SINHCAF: variants seen among roughly 807,000 people sequenced by gnomAD.
The protein encoded by SINHCAF is SIN3-HDAC complex-associated factor.
A neutral mutation model predicts 25.8 loss-of-function variants in SINHCAF; 3 were observed. The ratio of observed to expected loss-of-function variants is 0.12; its 90% CI spans 0.05 to 0.30. The LOEUF is 0.30. SINHCAF is among the 10% of genes least tolerant of loss of function. The probability of loss-of-function intolerance (pLI) is 1.00; values close to 1 mark genes in which losing one functional copy is unlikely to be tolerated. For missense variants in SINHCAF, 121 were observed against 262.3 expected, an observed-to-expected ratio of 0.46 and a Z score of 3.72; for synonymous variants, 70 against 85.5, an observed-to-expected ratio of 0.82 and a Z score of 1.00.
At chr12:31,310,863 C>T (rs1223472577) in intron 1 of SINHCAF, among the ~76,000 whole-genome samples, 1 of 150,612 alleles carries the variant, frequency 6.6e-6, no homozygotes, top group Non-Finnish European at 1.5e-5. Context: ...TTAATCTAAT[C>T]TACGATCTTT....
intron 5 of SINHCAF, among the ~76,000 whole-genome samples, chr12:31,285,715 C>T (rs1490855376): frequency 6.6e-6 from 1 of 152,076 alleles, no homozygotes; most frequent in Non-Finnish European, 1.5e-5. Flanking sequence ...GTAACTCACA[C>T]CTGTAATCCC....
rs922874678 is a variant in SINHCAF, at chr12:31,282,472, A to G, written c.*240T>C. 7.3e-5 allele frequency: 24 copies of G among 328,964 alleles called. No individual in the cohort carries two copies. Among genetic ancestry groups the G allele is most frequent in the Middle Eastern group, 8.2e-4 (1 of 1,216 alleles). 20.4% of individuals were successfully genotyped at this position (328,964 alleles called of 1,614,324 possible). ...ACCCCGTCTCTACTAAAACTAAAAA[A>G]TTAGCCGGGTCTGGTGGCGGGCACC... On this transcript the variant is annotated 3_prime_UTR_variant, in exon 6 of 6. Coordinates refer to ENST00000337682, the MANE Select transcript of SINHCAF (RefSeq NM_001135812.2).
intron 1 of SINHCAF, chr12:31,302,890 T>G (rs927670272): frequency 1.0e-6 from 1 of 974,122 alleles, no homozygotes; most frequent in African/African-American, 1.8e-5. Flanking sequence ...CAAACTCCAG[T>G]TACAAATGCA....
chr12:31,301,012 C>T (rs1938769288), intron 1 of SINHCAF, among the ~76,000 whole-genome samples: 1 of 152,132 alleles, frequency 6.6e-6, no homozygotes, highest in African/African-American at 2.4e-5. Flanking sequence ...CTTTCCCTTC[C>T]CCCAAATAAA....
intron 2 of SINHCAF, among the ~76,000 whole-genome samples, chr12:31,296,756 G>C (rs941032324): frequency 6.6e-6 from 1 of 152,084 alleles, no homozygotes; most frequent in Non-Finnish European, 1.5e-5. Flanking sequence ...TCAGGAGAGA[G>C]AGGTGGGAGG....
chr12:31,295,105 C>G (rs1023646134), intron 3 of SINHCAF, 129 bp downstream of exon 3: 2 of 623,216 alleles, frequency 3.2e-6, no homozygotes, highest in African/African-American at 3.7e-5. Context: ...TGAACAGCAG[C>G]TAGTGTTTTT....
At chr12:31,296,897 A>G in intron 2 of SINHCAF, 1 of 348,490 alleles carries the variant, frequency 2.9e-6, no homozygotes, top group South Asian at 2.2e-5. Flanking sequence ...TTGCTGAGTA[A>G]GGTGGTGCAC....
At chr12:31,313,804 T>C (rs1939379902) in intron 1 of SINHCAF, among the ~76,000 whole-genome samples, 1 of 151,670 alleles carries the variant, frequency 6.6e-6, no homozygotes, top group South Asian at 2.1e-4. Flanking sequence ...GCCCACCACC[T>C]CGCCCGGCTA....
chr12:31,287,771 G>A lies in SINHCAF; in HGVS notation c.369C>T (p.His123=), dbSNP rs777191732. The part of the protein sequence containing the change: ...KEFKRHNSDA[H]STTSSASPAQ... ...CTGGGGAGGCACTTGAGGTGGTACT[G>A]TGAGCATCAGAATCTGCAATAAAGA... Residue 123 remains histidine (H), a synonymous_variant, in exon 5 of 6, where the codon CAC becomes CAT. Transcript: ENST00000337682. 1.3e-6 allele frequency: 2 copies of A among 1,589,346 alleles called. No homozygotes were observed. The highest frequency in any genetic ancestry group is 2.2e-5 in the East Asian group (1 of 44,694).
Position 31,309,109 on chromosome 12 carries a change from C to T in SINHCAF, c.-20-10885G>A, listed in dbSNP as rs1167805146. On this transcript the variant is annotated intron_variant, in intron 1 of 5. Transcript: ENST00000337682. ...TGCCACTGTACTCCAGCCTAGGTGA[C>T]AGAGTGAGATTCTGTCTCAAAAAAA... Among the ~76,000 whole-genome samples, 5 of 117,094 alleles carry T rather than the reference C, an allele frequency of 4.3e-5. No homozygotes were observed. In the Admixed American group the frequency reaches 6.1e-4, roughly 14 times the overall value. The allele number at this position is 117,094 out of a possible 152,430, so 76.8% of individuals were successfully genotyped here.
At chr12:31,300,946 T>C (rs1321301317) in intron 1 of SINHCAF, among the ~76,000 whole-genome samples, 2 of 152,182 alleles carry the variant, frequency 1.3e-5, no homozygotes, top group African/African-American at 4.8e-5. Context: ...ATTCCATTAA[T>C]ACACAGACCA....
intron 4 of SINHCAF, among the ~76,000 whole-genome samples, chr12:31,290,304 A>G (rs1938254414): frequency 6.6e-6 from 1 of 151,920 alleles, no homozygotes; most frequent in Non-Finnish European, 1.5e-5. Flanking sequence ...ACCACACCCA[A>G]CTAATTTTTT....
At chr12:31,317,632 GAGCA>G (rs1939543808) in intron 1 of SINHCAF, among the ~76,000 whole-genome samples, 1 of 150,504 alleles carries the variant, frequency 6.6e-6, no homozygotes, top group East Asian at 1.9e-4. Context: ...TTTTAACCAA[GAGCA>G]TCACTCTCCA....
At chr12:31,298,485 A>T (rs1938640108) in intron 1 of SINHCAF, 1 of 380,504 alleles carries the variant, frequency 2.6e-6, no homozygotes, top group Non-Finnish European at 4.9e-6. Context: ...CAATCTAAAA[A>T]TGGGGAAGAG....
At chr12:31,307,994 G>A (rs114977491) in intron 1 of SINHCAF, among the ~76,000 whole-genome samples, 3,094 of 152,154 alleles carry the variant, frequency 0.02, 106 homozygotes, top group African/African-American at 0.071. Context: ...CTGTCACTTA[G>A]GCTGGAATGC....
chr12:31,312,373 TGA>T (rs1191023878), intron 1 of SINHCAF, among the ~76,000 whole-genome samples: 3 of 152,026 alleles, frequency 2.0e-5, no homozygotes, highest in African/African-American at 4.8e-5. Context: ...TGTGTGTGTG[TGA>T]GTGTGTGTAT....
chr12:31,304,055 G>A (rs534203903), intron 1 of SINHCAF: 1 of 150,798 alleles, frequency 6.6e-6, no homozygotes, highest in African/African-American at 2.4e-5. Flanking sequence ...GGGAGGTCAA[G>A]GCTGTAGTGA....
At chr12:31,293,735 G>A (rs1938432865) in intron 4 of SINHCAF, 70 bp downstream of exon 4, 11 of 1,343,002 alleles carry the variant, frequency 8.2e-6, no homozygotes, top group Non-Finnish European at 1.1e-5. Context: ...ATCCACACAT[G>A]CCATACACCA....
intron 1 of SINHCAF, among the ~76,000 whole-genome samples, chr12:31,317,597 A>C (rs1478230121): frequency 2.0e-5 from 3 of 151,752 alleles, no homozygotes; most frequent in Non-Finnish European, 4.4e-5. Flanking sequence ...GCTTACTTTC[A>C]CTTTACTACC....
Sources: gnomAD v4.1 joint callset for allele counts (sites outside exome capture counted in the v4.1 genomes callset) on GRCh38, gnomAD v4.1.1 for gene constraint, MANE v1.5 for transcripts, NCBI Gene and HGNC (gene_info 2026-07-23, HGNC 2026-07-21) for gene names.